The following RNF212 variants were observed in gnomAD, a reference collection of about 807,000 sequenced individuals.
RNF212 encodes ring finger protein 212.
RNF212 carries 33 observed loss-of-function variants against 34.7 expected under a neutral mutation model. The ratio of observed to expected loss-of-function variants is 0.95; its 90% CI spans 0.72 to 1.27. RNF212 has a LOEUF of 1.27. Ranked by LOEUF, RNF212 falls within the 50% of genes most tolerant of loss-of-function variation. The pLI, the probability that RNF212 is intolerant of heterozygous loss-of-function variation, is 0.00. For synonymous variants in RNF212, 140 were observed against 136.1 expected, an observed-to-expected ratio of 1.03 and a Z score of -0.20; for missense variants, 377 against 362.2, an observed-to-expected ratio of 1.04 and a Z score of -0.33.
chr4:1,105,162 C>T (rs530307340), intron 2 of RNF212, among the ~76,000 whole-genome samples: 75 of 152,340 alleles, frequency 4.9e-4, no homozygotes, highest in Middle Eastern at 3.4e-3. Context: ...GGGGCATCCT[C>T]GTCCTTCACC....
chr4:1,113,304 A>G, intron 1 of RNF212, 52 bp downstream of exon 1: 1 of 346,264 alleles, frequency 2.9e-6, no homozygotes, highest in Non-Finnish European at 4.3e-6. Flanking sequence ...GAGTTCCCTG[A>G]CCCCCTTGCC....
Position 1,113,523 on chromosome 4 carries a change from G to A in RNF212, c.-59C>T. The A allele has an allele frequency of 1.4e-6, 2 of 1,434,850 alleles. No homozygotes were observed. The highest frequency in any genetic ancestry group is 1.4e-5 in the African/African-American group (1 of 69,368). The allele number at this position is 1,434,850 out of a possible 1,614,324, so 88.9% of individuals were successfully genotyped here. A position where few individuals can be genotyped will look rare whatever the true frequency, so the allele number is the denominator to read the frequency against. ...CCACGCGAAGCCCACGCAAGGTTGGGACCAGCCTCCCCGCGCAGGGCCCGA... is the reference window on the plus strand; with the variant it reads ...CCACGCGAAGCCCACGCAAGGTTGGAACCAGCCTCCCCGCGCAGGGCCCGA... On this transcript the variant is annotated 5_prime_UTR_variant, in exon 1 of 10. Coordinates refer to ENST00000433731, the MANE Select transcript of RNF212 (RefSeq NM_001131034.4).
chr4:1,070,393 A>G (rs1359642945), downstream of RNF212, among the ~76,000 whole-genome samples: 7 of 140,918 alleles, frequency 5.0e-5, no homozygotes, highest in Non-Finnish European at 9.1e-5. Flanking sequence ...GCCTGGCCTG[A>G]GTTGTGGGTG....
Position 1,081,474 on chromosome 4 carries a change from G to C in RNF212, c.416-7C>G, listed in dbSNP as rs768229068. On this transcript the variant is annotated splice_polypyrimidine_tract_variant and splice_region_variant and intron_variant, in intron 6 of 9. Transcript: ENST00000433731. The stretch of plus-strand genomic sequence containing the variant: ...AGGCATCCGTGTGGTTTTGCTGGAA[G>C]AGTGATGACGAAAATGCCAGCGTCA... The C allele has an allele frequency of 1.1e-5, 18 of 1,613,830 alleles. No individual in the cohort carries two copies. The highest frequency in any genetic ancestry group is 1.5e-5 in the Non-Finnish European group (18 of 1,179,804).
Position 1,072,802 on chromosome 4 carries a change from A to G in RNF212, c.*72T>C. 6.0e-6 allele frequency: 9 copies of G among 1,490,374 alleles called. No homozygotes were observed. The highest frequency in any genetic ancestry group is 8.1e-6 in the Non-Finnish European group (9 of 1,116,480). The allele number at this position is 1,490,374 out of a possible 1,614,324, so 92.3% of individuals were successfully genotyped here. On this transcript the variant is annotated 3_prime_UTR_variant, in exon 10 of 10. Transcript: ENST00000433731. Reference sequence around the variant, plus strand: ...CATAAATGACAAAGGAATAAAGCAGATAATTTGTAGAAAAAACACAGAGGA... The same window carrying G: ...CATAAATGACAAAGGAATAAAGCAGGTAATTTGTAGAAAAAACACAGAGGA...
At chr4:1,097,114 GGTCTTA>G (rs1295443510) in intron 2 of RNF212, among the ~76,000 whole-genome samples, 1 of 152,040 alleles carries the variant, frequency 6.6e-6, no homozygotes, top group Admixed American at 6.6e-5. Context: ...TCCTCAAAAG[GGTCTTA>G]GTGAGGGCAG....
Position 1,060,468 on chromosome 4 carries a change from C to T in RNF212, n.148-2075G>A, listed in dbSNP as rs13108222. ...GAGCTAGGCCAGCTCTCGAGAGCAC[C>T]GCAGCCCTGAGGTGGGAGGAGCTCC... On this transcript the variant is annotated intron_variant and non_coding_transcript_variant, in intron 3 of 4. Transcript: ENST00000503206. Among the ~76,000 whole-genome samples, 3 of 152,006 alleles carry T rather than the reference C, an allele frequency of 2.0e-5. No homozygotes were observed. The East Asian group carries it at 5.8e-4, about 29-fold the overall frequency.
chr4:1,064,566 C>G (rs1717963048), intron 3 of RNF212, among the ~76,000 whole-genome samples: 2 of 103,066 alleles, frequency 1.9e-5, no homozygotes, highest in South Asian at 6.6e-4. Context: ...CCTTCTCACT[C>G]TGTCTTCATA....
At chr4:1,104,093 G>C (rs1724441947) in intron 2 of RNF212, among the ~76,000 whole-genome samples, 1 of 152,182 alleles carries the variant, frequency 6.6e-6, no homozygotes, top group African/African-American at 2.4e-5. Flanking sequence ...GAGAAAAATT[G>C]TTTAAAACTA....
At chr4:1,097,393 A>G (rs1288812683) in intron 2 of RNF212, among the ~76,000 whole-genome samples, 1 of 151,314 alleles carries the variant, frequency 6.6e-6, no homozygotes, top group Admixed American at 6.6e-5. Flanking sequence ...TCACAAGGTC[A>G]GGAGATCGAG....
At position 1,093,986 on chromosome 4, in the gene RNF212, C is replaced by A. The variant is rs558939919; in HGVS notation, c.246+2779G>T. Reference sequence around the variant, plus strand: ...GGATGTGGCTGGGCATAACTTGAGACGGCAACAGCCTCGGGAAAGCCTGAG... The same window carrying A: ...GGATGTGGCTGGGCATAACTTGAGAAGGCAACAGCCTCGGGAAAGCCTGAG... On this transcript the variant is annotated intron_variant, in intron 3 of 9. Transcript: ENST00000433731. The A allele has an allele frequency of 7.8e-6, 12 of 1,535,630 alleles. No homozygotes were observed. In the South Asian group the frequency reaches 1.4e-4, roughly 18 times the overall value.
intron 7 of RNF212, among the ~76,000 whole-genome samples, chr4:1,080,301 T>C (rs969640306): frequency 1.3e-5 from 2 of 152,166 alleles, no homozygotes; most frequent in African/African-American, 4.8e-5. Context: ...TAGTCCAGCC[T>C]GGCTGGAGTG....
At chr4:1,070,397 G>A (rs60495884), downstream of RNF212, among the ~76,000 whole-genome samples, 7 of 120,396 alleles carry the variant, frequency 5.8e-5, no homozygotes, top group South Asian at 3.0e-4. Context: ...GGCCTGAGTT[G>A]TGGGTGGTTT....
Position 1,113,539 on chromosome 4 carries a change from C to T in RNF212, c.-75G>A. ...CAAGGTTGGGACCAGCCTCCCCGCGCAGGGCCCGAAGGCGGGCAGCTCTGC... is the reference window on the plus strand; with the variant it reads ...CAAGGTTGGGACCAGCCTCCCCGCGTAGGGCCCGAAGGCGGGCAGCTCTGC... On this transcript the variant is annotated 5_prime_UTR_variant, in exon 1 of 10. Coordinates refer to ENST00000433731, the MANE Select transcript of RNF212 (RefSeq NM_001131034.4). The T allele has an allele frequency of 7.8e-7, 1 of 1,279,214 alleles. No individual in the cohort carries two copies. Among genetic ancestry groups the T allele is most frequent in the Non-Finnish European group, 1.1e-6 (1 of 913,510 alleles). The allele number at this position is 1,279,214 out of a possible 1,614,324, so 79.2% of individuals were successfully genotyped here.
intron 2 of RNF212, among the ~76,000 whole-genome samples, chr4:1,099,458 T>G (rs1267396907): frequency 6.6e-6 from 1 of 151,934 alleles, no homozygotes; most frequent in East Asian, 1.9e-4. Flanking sequence ...CAGCACTGTA[T>G]GGTGGGGCCT....
chr4:1,092,446 C>G (rs1226783688), intron 3 of RNF212, among the ~76,000 whole-genome samples: 1 of 152,178 alleles, frequency 6.6e-6, no homozygotes, highest in Admixed American at 6.5e-5. Flanking sequence ...CTACACCAGC[C>G]TCCAGGACTC....
At chr4:1,096,915 G>A in intron 2 of RNF212, 76 bp from the exon 3 acceptor site, 2 of 1,091,130 alleles carry the variant, frequency 1.8e-6, no homozygotes, top group East Asian at 2.4e-5. Context: ...AACTGTACTT[G>A]AAGACCTAGA....
chr4:1,113,426 C>T lies in RNF212; in HGVS notation c.39G>A (p.Pro13=). Residue 13 remains proline, a synonymous_variant, in exon 1 of 10, where the codon CCG becomes CCA. Coordinates refer to ENST00000433731, the MANE Select transcript of RNF212 (RefSeq NM_001131034.4). The part of the protein sequence containing the change: ...NWVFCNRCFQ[P]PHRTSCFSLT... ...GGCTGAAGCACGACGTCCTGTGGGG[C>T]GGCTGGAAGCAGCGATTACAGAACA... 1 of 1,607,438 alleles carries T rather than the reference C, an allele frequency of 6.2e-7. No homozygotes were observed. The highest frequency in any genetic ancestry group is 8.5e-7 in the Non-Finnish European group (1 of 1,177,818).
chr4:1,070,844 T>A (rs910561507), downstream of RNF212, among the ~76,000 whole-genome samples: 1 of 152,194 alleles, frequency 6.6e-6, no homozygotes, highest in East Asian at 1.9e-4. Flanking sequence ...ATGTTAACAT[T>A]TGGGGAATCT....
Sources: gnomAD v4.1 joint callset for allele counts (sites outside exome capture counted in the v4.1 genomes callset) on GRCh38, gnomAD v4.1.1 for gene constraint, MANE v1.5 for transcripts, NCBI Gene and HGNC (gene_info 2026-07-23, HGNC 2026-07-21) for gene names.